Variants in HIVEP1 observed in about 807,000 individuals in gnomAD.
HIVEP1 encodes the protein zinc finger protein 40.
Under a neutral mutation model 180.0 loss-of-function variants are expected in HIVEP1, and 36 were observed. The ratio of observed to expected loss-of-function variants is 0.20; its 90% CI spans 0.15 to 0.26. The LOEUF is 0.26. HIVEP1 is among the 10% of genes least tolerant of loss of function. The pLI is 1.00. For missense variants in HIVEP1, 3,143 were observed against 3,268.7 expected (o/e 0.96, Z 0.94); for synonymous variants, 1,239 against 1,239.0 (o/e 1.00, Z 0.00).
chr6:12,025,118 A>C (rs137928796), intron 2 of HIVEP1, among the ~76,000 whole-genome samples: 1 of 152,194 alleles, frequency 6.6e-6, no homozygotes, highest in African/African-American at 2.4e-5. Context: ...AAAGATTGCT[A>C]TTTGCCCAGG....
At position 12,014,088 on chromosome 6, in the gene HIVEP1, C is replaced by T. The variant is rs1767581568; in HGVS notation, c.-103-1438C>T. 2.6e-5 allele frequency among the ~76,000 whole-genome samples: 4 copies of T among 152,128 alleles called. No individual in the cohort carries two copies. In the South Asian group the frequency reaches 8.3e-4, roughly 32 times the overall value. On this transcript the variant is annotated intron_variant, in intron 1 of 8. Transcript: ENST00000379388. ...AAGCGTCTACAATGTTTAGTTTAGT[C>T]CTTATAACAACCTTCTGATGTGGAT...
rs567229624 is a variant in HIVEP1 at position 12,110,597 on chromosome 6, T to C, written c.95-9293T>C. Among the ~76,000 whole-genome samples the C allele has an allele frequency of 4.6e-5, 7 of 152,362 alleles. No individual in the cohort carries two copies. The East Asian group carries it at 9.6e-4, about 21-fold the overall frequency. The stretch of plus-strand genomic sequence containing the variant: ...CTCACTTGTTTCAGCCTTCATAGCA[T>C]TGAAGAGAGTTAGGGCCTTTCTCTG... On this transcript the variant is annotated intron_variant, in intron 3 of 8. Coordinates refer to ENST00000379388, the MANE Select transcript of HIVEP1 (RefSeq NM_002114.4).
rs374842497 is a variant in HIVEP1 at position 12,134,088 on chromosome 6, G to A, written c.6386-1703G>A. Among the ~76,000 whole-genome samples the A allele has an allele frequency of 2.6e-5, 4 of 152,064 alleles. No homozygotes were observed. In the East Asian group the frequency reaches 7.7e-4, roughly 29 times the overall value. On this transcript the variant is annotated intron_variant, in intron 6 of 8. Coordinates refer to ENST00000379388, the MANE Select transcript of HIVEP1 (RefSeq NM_002114.4). ...CTTACAAGTGGAAATTTCAACCACAGTAAGATATCTAAACCATTTTTATAA... is the reference window on the plus strand; with the variant it reads ...CTTACAAGTGGAAATTTCAACCACAATAAGATATCTAAACCATTTTTATAA...
At chr6:12,170,710 G>A in the HIVEP1 span, among the ~76,000 whole-genome samples, 2 of 152,194 alleles carry the variant, frequency 1.3e-5, no homozygotes, top group Non-Finnish European at 2.9e-5. Flanking sequence ...TGATTAGTAC[G>A]GTGGGCTCGT....
chr6:12,175,628 G>T, the HIVEP1 span, among the ~76,000 whole-genome samples: 1 of 152,164 alleles, frequency 6.6e-6, no homozygotes, highest in Non-Finnish European at 1.5e-5. Context: ...TAAATACTGC[G>T]CTATGTTTAA....
upstream of HIVEP1, among the ~76,000 whole-genome samples, chr6:12,009,120 T>C (rs1296926070): frequency 3.4e-5 from 5 of 145,980 alleles, no homozygotes; most frequent in East Asian, 2.0e-4. Flanking sequence ...CGCGTGGCGG[T>C]GGCGGCGGCG....
rs1233331723 is a variant in HIVEP1, at chr6:12,015,612, G to T, written c.-17G>T. The stretch of plus-strand genomic sequence containing the variant: ...TGCAGTTTTTAAGAAGAAAAAGAAG[G>T]CCCTGAGTCAAAGAAGATGCCTCGA... On this transcript the variant is annotated 5_prime_UTR_variant, in exon 2 of 9. Coordinates refer to ENST00000379388, the MANE Select transcript of HIVEP1 (RefSeq NM_002114.4). The T allele has an allele frequency of 6.2e-7, 1 of 1,612,140 alleles. No homozygotes were observed. Among genetic ancestry groups the T allele is most frequent in the Non-Finnish European group, 8.5e-7 (1 of 1,178,690 alleles).
At chr6:12,140,938 A>G (rs922375570) in intron 7 of HIVEP1, among the ~76,000 whole-genome samples, 2 of 152,218 alleles carry the variant, frequency 1.3e-5, no homozygotes, top group African/African-American at 4.8e-5. Flanking sequence ...AAGTTGGAAA[A>G]CACTCTTAGG....
the HIVEP1 span, among the ~76,000 whole-genome samples, chr6:12,171,135 A>G: frequency 6.6e-6 from 1 of 152,220 alleles, no homozygotes; most frequent in Non-Finnish European, 1.5e-5. Context: ...TGCTTTGCAC[A>G]AAGTTCAGTA....
intron 3 of HIVEP1, among the ~76,000 whole-genome samples, chr6:12,110,314 G>A (rs1232811385): frequency 1.3e-5 from 2 of 152,206 alleles, no homozygotes; most frequent in Non-Finnish European, 2.9e-5. Flanking sequence ...TTGAAGCCAG[G>A]CATTGACTTC....
intron 3 of HIVEP1, among the ~76,000 whole-genome samples, chr6:12,090,515 T>C (rs561284203): frequency 6.6e-6 from 1 of 152,112 alleles, no homozygotes; most frequent in Admixed American, 6.5e-5. Flanking sequence ...CATGTCTGCC[T>C]TCTCCTCACC....
intron 2 of HIVEP1, among the ~76,000 whole-genome samples, chr6:12,044,246 T>C (rs1291473705): frequency 2.6e-5 from 4 of 152,250 alleles, no homozygotes. Context: ...TCTGTGTTAA[T>C]GTTTTACTAT....
intron 2 of HIVEP1, among the ~76,000 whole-genome samples, chr6:12,046,904 A>C (rs1770174292): frequency 7.2e-6 from 1 of 139,116 alleles, no homozygotes; most frequent in South Asian, 2.5e-4. Context: ...TCTGTAGCAC[A>C]GGCTGGAGTG....
downstream of HIVEP1, among the ~76,000 whole-genome samples, chr6:12,168,384 G>GTA (rs1554161635): frequency 7.7e-6 from 1 of 130,142 alleles, no homozygotes; most frequent in Non-Finnish European, 1.6e-5. Context: ...ATGTATATAT[G>GTA]TATATATATA....
At chr6:12,207,631 T>C in the HIVEP1 span, among the ~76,000 whole-genome samples, 1 of 151,572 alleles carries the variant, frequency 6.6e-6, no homozygotes, top group Admixed American at 6.6e-5. Context: ...TGGCGGGGCA[T>C]GGTGGCTCAC....
At chr6:12,076,663 C>T (rs1772371405) in intron 2 of HIVEP1, among the ~76,000 whole-genome samples, 1 of 152,102 alleles carries the variant, frequency 6.6e-6, no homozygotes, top group African/African-American at 2.4e-5. Flanking sequence ...AGCATAGGTC[C>T]ATCATGAGGG....
At chr6:12,138,798 G>C (rs1418862975) in intron 7 of HIVEP1, among the ~76,000 whole-genome samples, 3 of 151,788 alleles carry the variant, frequency 2.0e-5, no homozygotes, top group Non-Finnish European at 4.4e-5. Context: ...CCAGATCCCT[G>C]GTTCACCCCT....
At chr6:12,094,210 C>T (rs1773655659) in intron 3 of HIVEP1, among the ~76,000 whole-genome samples, 1 of 151,944 alleles carries the variant, frequency 6.6e-6, no homozygotes, top group Admixed American at 6.5e-5. Context: ...TTATATCCAG[C>T]TACTTGGCTG....
In HIVEP1 at chr6:12,101,515, A is replaced by G. The variant is rs182183792; in HGVS notation, c.94+12278A>G. ...TTAAGTTAATATAAACCTCACTGGA[A>G]TTAAGTTAATATAAATCTAAAGAGA... is the stretch of plus-strand genomic sequence containing the variant. On this transcript the variant is annotated intron_variant, in intron 3 of 8. Transcript: ENST00000379388. Among the ~76,000 whole-genome samples, 307 of 152,244 alleles carry G rather than the reference A, an allele frequency of 2.0e-3. 1 individual carries two copies. The highest frequency in any genetic ancestry group is 2.1e-3 in the Non-Finnish European group (146 of 67,962).
Sources: allele counts gnomAD v4.1 joint callset (sites outside exome capture counted in the v4.1 genomes callset), GRCh38; gene constraint gnomAD v4.1.1; transcripts MANE v1.5; gene names NCBI Gene and HGNC (gene_info 2026-07-23, HGNC 2026-07-21).